SLIT2: variants seen among roughly 807,000 people sequenced by gnomAD.
SLIT2 encodes slit homolog 2 protein.
SLIT2 carries 41 observed loss-of-function variants against 185.7 expected under a neutral mutation model. That is an observed-to-expected ratio of 0.22 (90% CI 0.17 to 0.29). SLIT2 has a LOEUF of 0.29. Ranked by LOEUF, SLIT2 falls within the 10% of genes least tolerant of loss-of-function variation. The pLI is 1.00. For missense variants in SLIT2, 1,571 were observed against 1,909.0 expected, an observed-to-expected ratio of 0.82 and a Z score of 3.30; for synonymous variants, 693 against 680.2, an observed-to-expected ratio of 1.02 and a Z score of -0.29.
Position 20,389,973 on chromosome 4 carries a change from T to C in SLIT2, c.396-77779T>C, listed in dbSNP as rs77602333. On this transcript the variant is annotated intron_variant, in intron 4 of 36. Coordinates refer to ENST00000504154, the MANE Select transcript of SLIT2 (RefSeq NM_004787.4). Reference sequence around the variant, plus strand: ...GCTTACATTATCCAGCTTTCTATTCTTTGCATCTAAGAATCTCAGCTAGCT... The same window carrying C: ...GCTTACATTATCCAGCTTTCTATTCCTTGCATCTAAGAATCTCAGCTAGCT... 2.3e-4 allele frequency among the ~76,000 whole-genome samples: 35 copies of C among 152,232 alleles called. No individual in the cohort carries two copies. The East Asian group carries it at 6.6e-3, about 29-fold the overall frequency.
At chr4:20,521,867 G>A (rs1473841481) in intron 12 of SLIT2, among the ~76,000 whole-genome samples, 1 of 148,248 alleles carries the variant, frequency 6.7e-6, no homozygotes, top group African/African-American at 2.5e-5. Flanking sequence ...ATTGTCAAAG[G>A]AGAAAATATT....
rs1218618638 is a variant in SLIT2 at position 20,472,511 on chromosome 4, G to GAT, written c.467+4690_467+4691dup. Reference sequence around the variant, plus strand: ...ATATATAGATATATATCTATATATAGATAGATATATATCTATATATAGATA... The same window carrying GAT: ...ATATATAGATATATATCTATATATAGATATAGATATATATCTATATATAGATA... On this transcript the variant is annotated intron_variant, in intron 5 of 36. Transcript: ENST00000504154. Among the ~76,000 whole-genome samples, 26 of 6,712 alleles carry GAT rather than the reference G, an allele frequency of 3.9e-3. 5 individuals are homozygous for GAT. Among genetic ancestry groups the GAT allele is most frequent in the Admixed American group, 0.011 (3 of 268 alleles). 4.4% of individuals were successfully genotyped at this position (6,712 alleles called of 152,430 possible). A position where few individuals can be genotyped will look rare whatever the true frequency, so the allele number is the denominator to read the frequency against.
At chr4:20,586,402 T>C (rs994348072) in intron 29 of SLIT2, among the ~76,000 whole-genome samples, 1 of 152,178 alleles carries the variant, frequency 6.6e-6, no homozygotes, top group Admixed American at 6.5e-5. Flanking sequence ...TGATTCCTCC[T>C]TTTAATGACT....
At chr4:20,334,508 G>C (rs570937852) in intron 4 of SLIT2, among the ~76,000 whole-genome samples, 1 of 152,196 alleles carries the variant, frequency 6.6e-6, no homozygotes, top group East Asian at 1.9e-4. Context: ...AGAGATATCT[G>C]CCCTTAACTG....
At chr4:20,551,095 T>A (rs1331851987) in intron 25 of SLIT2, among the ~76,000 whole-genome samples, 197 bp downstream of exon 25, 1 of 152,226 alleles carries the variant, frequency 6.6e-6, no homozygotes, top group Non-Finnish European at 1.5e-5. Flanking sequence ...TGGCTCTTAT[T>A]TTCCAGTAGT....
chr4:20,595,908 T>A, intron 31 of SLIT2, 74 bp downstream of exon 31: 1 of 1,263,680 alleles, frequency 7.9e-7, no homozygotes, highest in South Asian at 1.3e-5. Context: ...TCAGTAATAG[T>A]GTAATCGTAC....
chr4:20,532,165 T>C, intron 17 of SLIT2, 107 bp downstream of exon 17: 2 of 648,024 alleles, frequency 3.1e-6, no homozygotes, highest in Admixed American at 7.1e-5. Context: ...CTGGGAAATT[T>C]CCCTATGATG....
rs146014124 is a variant in SLIT2 at position 20,617,120 on chromosome 4, G to A, written c.4058G>A (p.Gly1353Asp). The change falls in exon 35 of 37, where the codon GGC becomes GAC. Residue 1353 changes from glycine to aspartate, a missense_variant. By Grantham distance (94) the Gly-to-Asp change is moderately conservative. Coordinates refer to ENST00000504154, the MANE Select transcript of SLIT2 (RefSeq NM_004787.4). ...HGTCQPSSQAGFTCECQEGWM... is the reference protein window; with the variant it reads ...HGTCQPSSQADFTCECQEGWM... ...ACATGCCAGCCCAGCAGCCAGGCAG[G>A]CTTCACCTGCGAGTGCCAGGAAGGA... The A allele has an allele frequency of 5.6e-6, 9 of 1,610,536 alleles. No individual in the cohort carries two copies. Among genetic ancestry groups the A allele is most frequent in the Middle Eastern group, 1.6e-4 (1 of 6,076 alleles).
At chr4:20,277,399 GTTC>G (rs1045709821) in intron 4 of SLIT2, among the ~76,000 whole-genome samples, 26 of 151,982 alleles carry the variant, frequency 1.7e-4, no homozygotes, top group African/African-American at 5.3e-4. Flanking sequence ...TAAATCTGGT[GTTC>G]TTCTCATAAG....
intron 3 of SLIT2, among the ~76,000 whole-genome samples, chr4:20,263,963 A>G (rs773194905): frequency 3.3e-5 from 5 of 151,850 alleles, no homozygotes; most frequent in Admixed American, 6.6e-5. Flanking sequence ...AACGTAGTAT[A>G]TGGTCAACTG....
At position 20,392,696 on chromosome 4, in the gene SLIT2, C is replaced by T. The variant is rs540018814; in HGVS notation, c.396-75056C>T. On this transcript the variant is annotated intron_variant, in intron 4 of 36. Transcript: ENST00000504154. The stretch of plus-strand genomic sequence containing the variant: ...TGCTTTTCTATTTTTAATGTTTTTT[C>T]TTACTTTTTAAAATTTTGTTAAAAA... 5.8e-4 allele frequency among the ~76,000 whole-genome samples: 88 copies of T among 151,804 alleles called. No individual in the cohort carries two copies. In the South Asian group the frequency reaches 0.015, roughly 25 times the overall value.
intron 32 of SLIT2, among the ~76,000 whole-genome samples, chr4:20,597,801 T>C (rs1482558805): frequency 6.6e-6 from 1 of 152,156 alleles, no homozygotes; most frequent in Non-Finnish European, 1.5e-5. Flanking sequence ...ACTTAGCTAA[T>C]TAATCCTTTA....
At chr4:20,328,914 G>A (rs562090385) in intron 4 of SLIT2, among the ~76,000 whole-genome samples, 12 of 152,174 alleles carry the variant, frequency 7.9e-5, no homozygotes, top group African/African-American at 2.9e-4. Flanking sequence ...CTGTGTGTCT[G>A]CATGTGGGAG....
At chr4:20,577,336 A>AT (rs1726159832) in intron 29 of SLIT2, among the ~76,000 whole-genome samples, 1 of 152,088 alleles carries the variant, frequency 6.6e-6, no homozygotes, top group Non-Finnish European at 1.5e-5. Flanking sequence ...CCGAAAACTG[A>AT]TTTTCCTTCT....
intron 4 of SLIT2, among the ~76,000 whole-genome samples, chr4:20,367,822 C>T (rs1723231623): frequency 6.6e-6 from 1 of 151,992 alleles, no homozygotes; most frequent in South Asian, 2.1e-4. Context: ...ATTATCTCTC[C>T]AGGAAGCAGG....
intron 4 of SLIT2, among the ~76,000 whole-genome samples, chr4:20,292,789 T>G (rs1017503571): frequency 3.3e-5 from 5 of 152,218 alleles, no homozygotes; most frequent in Non-Finnish European, 5.9e-5. Context: ...TTTTCTTTTT[T>G]CTTTATTTTT....
At chr4:20,428,421 T>C (rs1042759202) in intron 4 of SLIT2, among the ~76,000 whole-genome samples, 5 of 152,196 alleles carry the variant, frequency 3.3e-5, no homozygotes, top group African/African-American at 9.6e-5. Flanking sequence ...ACTTACTTGC[T>C]TTTCTTTTCC....
At chr4:20,329,198 A>C (rs996625486) in intron 4 of SLIT2, among the ~76,000 whole-genome samples, 1 of 152,028 alleles carries the variant, frequency 6.6e-6, no homozygotes, top group Admixed American at 6.6e-5. Flanking sequence ...TGTAATAGGA[A>C]CAATATTAGG....
intron 4 of SLIT2, among the ~76,000 whole-genome samples, chr4:20,420,681 A>C (rs1253606011): frequency 1.3e-5 from 2 of 152,044 alleles, no homozygotes; most frequent in African/African-American, 4.8e-5. Flanking sequence ...AGAGAAAGAA[A>C]AAAGGGAGGA....
Sources: gnomAD v4.1 joint callset for allele counts (sites outside exome capture counted in the v4.1 genomes callset) on GRCh38, gnomAD v4.1.1 for gene constraint, MANE v1.5 for transcripts, NCBI Gene and HGNC (gene_info 2026-07-23, HGNC 2026-07-21) for gene names.